SLC18A1: variants seen among roughly 807,000 people sequenced by gnomAD.
SLC18A1 encodes solute carrier family 18 member A1, also known as chromaffin granule amine transporter.
SLC18A1 carries 69 observed loss-of-function variants against 53.7 expected under a neutral mutation model. The ratio of observed to expected loss-of-function variants is 1.28; its 90% confidence interval spans 1.06 to 1.57. SLC18A1 has a LOEUF of 1.57. Among genes scored for constraint, SLC18A1 ranks in the 40% most tolerant of loss-of-function variants. SLC18A1 has a pLI of 0.00. For missense variants in SLC18A1, 932 were observed against 668.1 expected (o/e 1.40, Z -4.35); for synonymous variants, 320 against 248.1 (o/e 1.29, Z -2.72).
At chr8:20,147,768 G>T (rs754862968) in intron 13 of SLC18A1, 46 bp from the exon 14 acceptor site, 1 of 1,591,962 alleles carries the variant, frequency 6.3e-7, no homozygotes, top group Non-Finnish European at 8.6e-7. Flanking sequence ...CCCACAGTTA[G>T]TACCACCCCG....
At chr8:20,163,673 T>C (rs904153568) in intron 10 of SLC18A1, among the ~76,000 whole-genome samples, 3 of 152,170 alleles carry the variant, frequency 2.0e-5, no homozygotes, top group Non-Finnish European at 4.4e-5. Flanking sequence ...GATGAAAACT[T>C]GTTTTGACTA....
chr8:20,147,122 G>C (rs1159515861), intron 15 of SLC18A1, 136 bp downstream of exon 15: 6 of 908,976 alleles, frequency 6.6e-6, no homozygotes, highest in South Asian at 2.1e-5. Flanking sequence ...AAAGGGGATT[G>C]GGAAACATGG....
intron 10 of SLC18A1, among the ~76,000 whole-genome samples, chr8:20,163,137 T>G (rs1385849102): frequency 6.6e-6 from 1 of 152,152 alleles, no homozygotes; most frequent in Non-Finnish European, 1.5e-5. Flanking sequence ...GAGTGCCTGG[T>G]TGCTGGATCA....
intron 10 of SLC18A1, among the ~76,000 whole-genome samples, chr8:20,156,432 G>C (rs548877934): frequency 6.6e-6 from 1 of 152,142 alleles, no homozygotes; most frequent in Admixed American, 6.5e-5. Context: ...CCAGACTCAG[G>C]AGGTACCCCC....
intron 10 of SLC18A1, among the ~76,000 whole-genome samples, chr8:20,154,110 T>C (rs2071625591): frequency 6.6e-6 from 1 of 152,210 alleles, no homozygotes; most frequent in Admixed American, 6.5e-5. Flanking sequence ...GCCAGGCTTC[T>C]TGTACAGCAT....
chr8:20,145,521 A>G lies in SLC18A1; in HGVS notation c.*242T>C, dbSNP rs1458277869. ...TTTAATCAACCTCACAGCAGCGGGA[A>G]GGTGCATCACTCTGTCTTCCCATAA... On this transcript the variant is annotated 3_prime_UTR_variant, in exon 16 of 16. Transcript: ENST00000276373. The G allele has an allele frequency of 5.9e-6, 2 of 340,278 alleles. No homozygotes were observed. The highest frequency in any genetic ancestry group is 1.1e-5 in the Non-Finnish European group (2 of 187,772). 21.1% of individuals were successfully genotyped at this position (340,278 alleles called of 1,614,324 possible). A position where few individuals can be genotyped will look rare whatever the true frequency, so the allele number is the denominator to read the frequency against.
chr8:20,163,247 T>C (rs552155642), intron 10 of SLC18A1, among the ~76,000 whole-genome samples: 1 of 152,276 alleles, frequency 6.6e-6, no homozygotes, highest in Non-Finnish European at 1.5e-5. Flanking sequence ...ACTCCCATGA[T>C]AATGGCCTTA....
At chr8:20,171,703 T>TGTGC (rs1449627035) in intron 6 of SLC18A1, among the ~76,000 whole-genome samples, 2 of 146,754 alleles carry the variant, frequency 1.4e-5, no homozygotes, top group African/African-American at 5.4e-5. Flanking sequence ...TGTGTGTGTG[T>TGTGC]GCGCGCGCGT....
At position 20,164,851 on chromosome 8, in the gene SLC18A1, G is replaced by A. The variant is rs763465902; in HGVS notation, c.1015+18C>T. On this transcript the variant is annotated intron_variant, in intron 10 of 15. Transcript: ENST00000276373. The stretch of plus-strand genomic sequence containing the variant: ...CTCCTCCTGCCAGGCCCTGAGCGGG[G>A]GTGCTGAGGTCACTTACCCAGCTGC... The A allele has an allele frequency of 2.5e-6, 4 of 1,586,828 alleles. No individual in the cohort carries two copies. Among genetic ancestry groups the A allele is most frequent in the Non-Finnish European group, 3.4e-6 (4 of 1,159,716 alleles).
chr8:20,152,081 G>A lies in SLC18A1; in HGVS notation c.1016-1337C>T, dbSNP rs542759284. Among the ~76,000 whole-genome samples, 827 of 152,330 alleles carry A rather than the reference G, an allele frequency of 5.4e-3. 12 individuals are homozygous for A. The highest frequency in any genetic ancestry group is 0.019 in the African/African-American group (783 of 41,576). ...TTGGGGAAGGCTTCTTTGGGGAAGT[G>A]ACATTCAAACTGAGACCTTAATAAC... On this transcript the variant is annotated intron_variant, in intron 10 of 15. Transcript: ENST00000276373.
rs574253348 is a variant in SLC18A1 at position 20,172,074 on chromosome 8, C to T, written c.725-580G>A. On this transcript the variant is annotated intron_variant, in intron 6 of 15. Coordinates refer to ENST00000276373, the MANE Select transcript of SLC18A1 (RefSeq NM_003053.4). ...GAGAAACATCAGGTGAGAAACATCA[C>T]CTGCTCTGGGCTCAGGAAGATTGTT... is the stretch of plus-strand genomic sequence containing the variant. Among the ~76,000 whole-genome samples, 8 of 152,324 alleles carry T rather than the reference C, an allele frequency of 5.3e-5. No individual in the cohort carries two copies. In the South Asian group the frequency reaches 1.7e-3, roughly 32 times the overall value.
chr8:20,154,363 A>G (rs1412431908), intron 10 of SLC18A1, among the ~76,000 whole-genome samples: 3 of 152,192 alleles, frequency 2.0e-5, no homozygotes, highest in Non-Finnish European at 2.9e-5. Flanking sequence ...GTAGAGGTGA[A>G]AAGAACATGG....
intron 8 of SLC18A1, among the ~76,000 whole-genome samples, chr8:20,170,511 CT>C (rs2072085264): frequency 6.6e-6 from 1 of 152,100 alleles, no homozygotes; most frequent in African/African-American, 2.4e-5. Context: ...CACTTTCTTA[CT>C]TTTTTTCCTT....
In SLC18A1 at chr8:20,147,247, G is replaced by C; in HGVS notation, c.1464+11C>G. On this transcript the variant is annotated intron_variant, in intron 15 of 15. Coordinates refer to ENST00000276373, the MANE Select transcript of SLC18A1 (RefSeq NM_003053.4). ...AAGTGAATTTCTCTTTTAACAGTCG[G>C]TGCTCCTTACAAGCTTCTCTTCCTT... The C allele has an allele frequency of 1.9e-6, 3 of 1,588,198 alleles. No individual in the cohort carries two copies. Among genetic ancestry groups the C allele is most frequent in the Non-Finnish European group, 2.6e-6 (3 of 1,171,718 alleles).
chr8:20,179,590 G>A (rs2072363744), intron 2 of SLC18A1, 106 bp from the exon 3 acceptor site: 3 of 1,410,246 alleles, frequency 2.1e-6, no homozygotes, highest in Non-Finnish European at 2.9e-6. Flanking sequence ...AAGTCAAGGA[G>A]GACAGGTGAT....
intron 1 of SLC18A1, chr8:20,181,869 C>T (rs1270801332): frequency 6.6e-6 from 1 of 152,222 alleles, no homozygotes; most frequent in African/African-American, 2.4e-5. Context: ...TTATCCTCTA[C>T]CATGTTCCCT....
chr8:20,171,538 T>G, intron 6 of SLC18A1, 44 bp from the exon 7 acceptor site: 1 of 1,447,136 alleles, frequency 6.9e-7, no homozygotes, highest in Non-Finnish European at 9.7e-7. Context: ...TGAGGGTGAG[T>G]CCTTTGCAGT....
At chr8:20,154,835 C>T (rs997374468) in intron 10 of SLC18A1, among the ~76,000 whole-genome samples, 2 of 152,258 alleles carry the variant, frequency 1.3e-5, no homozygotes, top group South Asian at 2.1e-4. Flanking sequence ...TTTCATTCGC[C>T]GTCCACCACG....
In SLC18A1 at chr8:20,178,418, G is replaced by A. The variant is rs1274968891; in HGVS notation, c.547+17C>T. On this transcript the variant is annotated intron_variant, in intron 4 of 15. Coordinates refer to ENST00000276373, the MANE Select transcript of SLC18A1 (RefSeq NM_003053.4). ...GGTAATCAGTGAAGGGAAGAAAAGA[G>A]GAAGCAAATTACTTACTAACTGTGG... is the stretch of plus-strand genomic sequence containing the variant. 6.2e-7 allele frequency: 1 copy of A among 1,601,378 alleles called. No homozygotes were observed. Among genetic ancestry groups the A allele is most frequent in the East Asian group, 2.2e-5 (1 of 44,692 alleles).
Sources: gnomAD v4.1 joint callset for allele counts (sites outside exome capture counted in the v4.1 genomes callset) on GRCh38, gnomAD v4.1.1 for gene constraint, MANE v1.5 for transcripts, NCBI Gene and HGNC (gene_info 2026-07-23, HGNC 2026-07-21) for gene names.